The following MAML2 variants were observed in gnomAD, a reference collection of about 807,000 sequenced individuals.
MAML2 encodes the protein mastermind-like protein 2.
Under a neutral mutation model 96.1 loss-of-function variants are expected in MAML2, and 22 were observed. The observed-to-expected ratio is 0.23, with a 90% CI of 0.16 to 0.33. The LOEUF (loss-of-function observed/expected upper bound fraction) is 0.33, where lower values mean the gene tolerates loss of function less well. Ranked by LOEUF, MAML2 falls within the 10% of genes least tolerant of loss-of-function variation. The probability of loss-of-function intolerance (pLI) is 1.00; values close to 1 mark genes in which losing one functional copy is unlikely to be tolerated. For missense variants in MAML2, 1,367 were observed against 1,392.4 expected (o/e 0.98, Z 0.29); for synonymous variants, 561 against 521.3 (o/e 1.08, Z -1.04).
chr11:96,307,936 T>C (rs1169508326), intron 1 of MAML2, among the ~76,000 whole-genome samples: 1 of 152,182 alleles, frequency 6.6e-6, no homozygotes, highest in Non-Finnish European at 1.5e-5. Flanking sequence ...GATATCATTT[T>C]ATAGGGGAAA....
chr11:96,120,223 C>G (rs1860313902), intron 1 of MAML2, among the ~76,000 whole-genome samples: 2 of 152,174 alleles, frequency 1.3e-5, no homozygotes, highest in African/African-American at 4.8e-5. Flanking sequence ...TCCCAAAGTG[C>G]TGGGTTTACA....
chr11:95,998,386 GA>G (rs1858031833), intron 2 of MAML2, among the ~76,000 whole-genome samples: 1 of 152,158 alleles, frequency 6.6e-6, no homozygotes, highest in Non-Finnish European at 1.5e-5. Context: ...TCTGAGCAAA[GA>G]AAATGCTTTG....
intron 1 of MAML2, among the ~76,000 whole-genome samples, chr11:96,325,278 C>A (rs515069): frequency 6.6e-6 from 1 of 151,854 alleles, no homozygotes; most frequent in Non-Finnish European, 1.5e-5. Context: ...TAGACTGATG[C>A]TTACTAGTGG....
chr11:96,026,249 A>G (rs1234124276), intron 2 of MAML2, among the ~76,000 whole-genome samples: 2 of 152,246 alleles, frequency 1.3e-5, no homozygotes, highest in Non-Finnish European at 2.9e-5. Context: ...GGCCAGCAGT[A>G]TACCTGCAGC....
At chr11:96,266,067 G>A (rs1405034400) in intron 1 of MAML2, among the ~76,000 whole-genome samples, 3 of 152,126 alleles carry the variant, frequency 2.0e-5, no homozygotes, top group Non-Finnish European at 4.4e-5. Context: ...GGCTTCAAAA[G>A]CTGTAAACAT....
intron 1 of MAML2, among the ~76,000 whole-genome samples, chr11:96,156,247 G>T (rs1861009380): frequency 6.6e-6 from 1 of 152,144 alleles, no homozygotes; most frequent in African/African-American, 2.4e-5. Flanking sequence ...ACTGGAGATG[G>T]CTCATGCTGG....
intron 1 of MAML2, among the ~76,000 whole-genome samples, chr11:96,149,510 T>C (rs1351911729): frequency 1.3e-5 from 2 of 149,106 alleles, no homozygotes; most frequent in African/African-American, 5.0e-5. Flanking sequence ...GGCAGATGGA[T>C]CATTTGAGGT....
chr11:96,100,809 A>T (rs1859916529), intron 1 of MAML2, among the ~76,000 whole-genome samples: 1 of 148,338 alleles, frequency 6.7e-6, no homozygotes, highest in African/African-American at 2.5e-5. Context: ...GTAGTGGCAC[A>T]ATCTTGGCTC....
At chr11:96,040,721 C>T (rs775191789) in intron 2 of MAML2, among the ~76,000 whole-genome samples, 6 of 152,066 alleles carry the variant, frequency 3.9e-5, no homozygotes, top group East Asian at 1.9e-4. Context: ...GAGCCGAGAT[C>T]GTGCCACTGC....
At position 95,977,287 on chromosome 11, in the gene MAML2, T is replaced by C. The variant is rs1012816090; in HGVS notation, c.*1661A>G. On this transcript the variant is annotated 3_prime_UTR_variant, in exon 5 of 5. Transcript: ENST00000524717. ...TGAAGTATTTCTACCAAAATATTCT[T>C]TACAAAAGTTTACAAAACAAGTAAT... The C allele has an allele frequency of 1.0e-4, 19 of 184,708 alleles. No homozygotes were observed. The East Asian group carries it at 1.6e-3, about 15-fold the overall frequency. 11.4% of individuals were successfully genotyped at this position (184,708 alleles called of 1,614,324 possible).
intron 1 of MAML2, among the ~76,000 whole-genome samples, chr11:96,225,370 T>C (rs1288083093): frequency 6.6e-6 from 1 of 152,176 alleles, no homozygotes; most frequent in Non-Finnish European, 1.5e-5. Flanking sequence ...AAGCAGATCT[T>C]CCATCTCTAT....
At chr11:96,185,432 A>T (rs1861558944) in intron 1 of MAML2, among the ~76,000 whole-genome samples, 1 of 152,158 alleles carries the variant, frequency 6.6e-6, no homozygotes, top group Non-Finnish European at 1.5e-5. Flanking sequence ...AGTGTTTTCC[A>T]GGGAGGCTCG....
chr11:96,070,738 G>A (rs920047093), intron 2 of MAML2, among the ~76,000 whole-genome samples: 1 of 152,250 alleles, frequency 6.6e-6, no homozygotes, highest in Non-Finnish European at 1.5e-5. Context: ...CTGAGTGGGC[G>A]GAACAAGCCC....
chr11:96,074,676 G>A (rs902375288), intron 2 of MAML2, among the ~76,000 whole-genome samples: 1 of 152,194 alleles, frequency 6.6e-6, no homozygotes, highest in Non-Finnish European at 1.5e-5. Context: ...GCTGTGAGAG[G>A]AATAAAAGGA....
intron 1 of MAML2, among the ~76,000 whole-genome samples, chr11:96,321,951 T>C (rs779586292): frequency 2.6e-5 from 4 of 152,156 alleles, no homozygotes; most frequent in Admixed American, 6.5e-5. Flanking sequence ...GGCCGAGTTT[T>C]TTGTTGTTGT....
chr11:96,064,991 A>G (rs1355373933), intron 2 of MAML2, among the ~76,000 whole-genome samples: 3 of 152,236 alleles, frequency 2.0e-5, no homozygotes, highest in Non-Finnish European at 4.4e-5. Context: ...CATGCCATAA[A>G]CCAAGAAGCC....
chr11:96,027,637 C>T (rs568621878), intron 2 of MAML2, among the ~76,000 whole-genome samples: 5 of 152,304 alleles, frequency 3.3e-5, no homozygotes, highest in African/African-American at 1.2e-4. Context: ...AGAGGAGATG[C>T]TATCCTCAGT....
chr11:96,250,996 G>A (rs1486417707), intron 1 of MAML2, among the ~76,000 whole-genome samples: 2 of 149,588 alleles, frequency 1.3e-5, no homozygotes, highest in Non-Finnish European at 3.0e-5. Context: ...GTGGAGTGAT[G>A]GTAAGGGGTG....
intron 1 of MAML2, among the ~76,000 whole-genome samples, chr11:96,215,742 C>G (rs952742893): frequency 9.9e-5 from 15 of 152,172 alleles, no homozygotes; most frequent in African/African-American, 3.1e-4. Context: ...CAGCCACCCC[C>G]CTCGGGTGCT....
Sources: gnomAD v4.1 joint callset for allele counts (sites outside exome capture counted in the v4.1 genomes callset) on GRCh38, gnomAD v4.1.1 for gene constraint, MANE v1.5 for transcripts, NCBI Gene and HGNC (gene_info 2026-07-23, HGNC 2026-07-21) for gene names.